ARID3A: variants seen among roughly 807,000 people sequenced by gnomAD.
ARID3A encodes the protein AT-rich interactive domain-containing protein 3A.
A neutral mutation model predicts 52.7 loss-of-function variants in ARID3A; 11 were observed. That is an observed-to-expected ratio of 0.21 (90% CI 0.13 to 0.35). The LOEUF is 0.35. ARID3A is among the 10% of genes least tolerant of loss of function. ARID3A has a pLI of 1.00. For synonymous variants in ARID3A, 404 were observed against 359.4 expected (o/e 1.12, Z -1.40); for missense variants, 721 against 838.5 (o/e 0.86, Z 1.73).
intron 1 of ARID3A, among the ~76,000 whole-genome samples, chr19:926,901 C>T (rs555700722): frequency 1.3e-5 from 2 of 151,962 alleles, no homozygotes; most frequent in African/African-American, 4.8e-5. Flanking sequence ...CCATGCAAAT[C>T]GGCCGCTTTC....
Position 960,266 on chromosome 19 carries a change from C to A in ARID3A, c.766+102C>A. On this transcript the variant is annotated intron_variant, in intron 4 of 8. Coordinates refer to ENST00000263620, the MANE Select transcript of ARID3A (RefSeq NM_005224.3). The surrounding 1 kb of genome is among the most constrained non-coding windows in gnomAD (Gnocchi z 4.3). The stretch of plus-strand genomic sequence containing the variant: ...TATGTCGGGGCGGTGGTGAGCACCC[C>A]GTGGCTGGAGGCATCCAAGGCTCCT... 9.4e-7 allele frequency: 1 copy of A among 1,066,176 alleles called. No individual in the cohort carries two copies. Among genetic ancestry groups the A allele is most frequent in the Non-Finnish European group, 1.3e-6 (1 of 753,020 alleles). 66.0% of individuals were successfully genotyped at this position (1,066,176 alleles called of 1,614,324 possible).
chr19:945,030 C>T (rs950094912), intron 3 of ARID3A, among the ~76,000 whole-genome samples: 53 of 152,358 alleles, frequency 3.5e-4, no homozygotes, highest in African/African-American at 1.1e-3. Flanking sequence ...CCCTAGCTGG[C>T]GCCCTGCCCA....
chr19:933,256 G>T (rs994412743), intron 3 of ARID3A, among the ~76,000 whole-genome samples: 2 of 152,184 alleles, frequency 1.3e-5, no homozygotes, highest in African/African-American at 4.8e-5. Context: ...AGGAGCCAGG[G>T]CCTGTGAGGC....
Position 960,224 on chromosome 19 carries a change from G to T in ARID3A, c.766+60G>T. ...TCACAGAAACAGGGCTGTAGGAGGG[G>T]CCCTACTGGCTCCAGGTATGTCGGG... On this transcript the variant is annotated intron_variant, in intron 4 of 8. Transcript: ENST00000263620. The surrounding 1 kb of genome is among the most constrained non-coding windows in gnomAD (Gnocchi z 4.3). 6.7e-7 allele frequency: 1 copy of T among 1,489,384 alleles called. No homozygotes were observed. Among genetic ancestry groups the T allele is most frequent in the Non-Finnish European group, 9.2e-7 (1 of 1,086,224 alleles). The allele number at this position is 1,489,384 out of a possible 1,614,324, so 92.3% of individuals were successfully genotyped here. A position where few individuals can be genotyped will look rare whatever the true frequency, so the allele number is the denominator to read the frequency against.
chr19:951,646 T>A (rs2037805425), intron 3 of ARID3A, among the ~76,000 whole-genome samples: 1 of 152,128 alleles, frequency 6.6e-6, no homozygotes, highest in African/African-American at 2.4e-5. Flanking sequence ...ATTCTCTTTT[T>A]CCCTCTGACC....
chr19:954,945 T>G (rs1346458250), intron 3 of ARID3A, among the ~76,000 whole-genome samples: 2 of 152,112 alleles, frequency 1.3e-5, no homozygotes, highest in African/African-American at 4.8e-5. Flanking sequence ...GGGCCGCTTA[T>G]CTCGGCCCTC....
rs1347225312 is a variant in ARID3A at position 932,496 on chromosome 19, T to G, written c.447T>G (p.Asp149Glu). ...AGGAGGAGGAGGAGGATTACGAGGA[T>G]GAGGAGGAGGAGGAGGACGAGGAGG... is the stretch of plus-strand genomic sequence containing the variant. The part of the protein sequence containing the change: ...DEEEEEEDYE[D>E]EEEEEDEEGL... Residue 149 changes from aspartate (D) to glutamate (E), a missense_variant, in exon 3 of 9, where the codon GAT (aspartate) becomes GAG (glutamate). By Grantham distance (45) the Asp-to-Glu change is conservative. This residue lies in a region of ARID3A where 349 missense variants were observed against 297.3 expected (regional missense o/e 1.17). Transcript: ENST00000263620. The G allele has an allele frequency of 3.0e-5, 46 of 1,542,018 alleles. No homozygotes were observed. The highest frequency in any genetic ancestry group is 1.7e-4 in the African/African-American group (12 of 71,126).
At position 966,596 on chromosome 19, in the gene ARID3A, C is replaced by G; in HGVS notation, c.1223C>G (p.Thr408Arg). Residue 408 changes from threonine to arginine, a missense_variant, in exon 7 of 9, where the codon ACA becomes AGA. Transcript: ENST00000263620. ...GAGGAGGACTCAGCCATCCCCATCA[C>G]AGTCCCTGGCCGCCTGCCTGTGTCC... ...KKEEDSAIPITVPGRLPVSLA... is the reference protein window; with the variant it reads ...KKEEDSAIPIRVPGRLPVSLA... 1 of 1,571,048 alleles carries G rather than the reference C, an allele frequency of 6.4e-7. No homozygotes were observed. Among genetic ancestry groups the G allele is most frequent in the South Asian group, 1.1e-5 (1 of 86,970 alleles).
At chr19:970,630 A>G (rs4438418) in intron 8 of ARID3A, among the ~76,000 whole-genome samples, 101,724 of 150,150 alleles carry the variant, frequency 0.68, 35,220 homozygotes, top group Middle Eastern at 0.79. Context: ...GCATGCCACC[A>G]GGCCCGGCTA....
chr19:927,679 C>T (rs1205266038), intron 1 of ARID3A, among the ~76,000 whole-genome samples: 2 of 84,196 alleles, frequency 2.4e-5, no homozygotes, highest in East Asian at 8.0e-4. Context: ...CCCCTCAGCA[C>T]TTTCTTGGGT....
Position 929,791 on chromosome 19 carries a change from C to G in ARID3A, c.263C>G (p.Ser88Trp), listed in dbSNP as rs370403414. The part of the protein sequence containing the change: ...PGGSEDGPPG[S>W]EEEDAAREGT... ...GGCTCTGAGGATGGGCCCCCAGGCT[C>G]GGAGGAGGAGGACGCGGCCCGGGAG... The change falls in exon 2 of 9, where the codon TCG becomes TGG. Residue 88 changes from serine to tryptophan, a missense_variant. By Grantham distance (177) the Ser-to-Trp change is radical (BLOSUM62 -3). Around this residue, in one of 5 missense-constraint regions of ARID3A, gnomAD observed 349 missense variants for 297.3 expected, o/e 1.17. Transcript: ENST00000263620. The surrounding 1 kb of genome is among the most constrained non-coding windows in gnomAD (Gnocchi z 6.2). 1.3e-6 allele frequency: 2 copies of G among 1,549,216 alleles called. No homozygotes were observed. Among genetic ancestry groups the G allele is most frequent in the East Asian group, 2.4e-5 (1 of 41,696 alleles).
chr19:939,143 G>A (rs544245369), intron 3 of ARID3A, among the ~76,000 whole-genome samples: 50 of 149,674 alleles, frequency 3.3e-4, no homozygotes, highest in South Asian at 1.5e-3. Flanking sequence ...TATTTTAGAC[G>A]GAGTCTTGCT....
intron 4 of ARID3A, among the ~76,000 whole-genome samples, chr19:963,055 G>A (rs964385482): frequency 4.6e-5 from 7 of 152,214 alleles, no homozygotes; most frequent in African/African-American, 1.4e-4. Flanking sequence ...TGGAAGTGGC[G>A]GAGGGTGGTG....
chr19:946,778 A>G (rs1207920279), intron 3 of ARID3A, among the ~76,000 whole-genome samples: 3 of 151,100 alleles, frequency 2.0e-5, no homozygotes, highest in Admixed American at 6.6e-5. Context: ...CTTCAAAACT[A>G]AAATTCTGTT....
chr19:937,132 G>C (rs999099410), intron 3 of ARID3A, among the ~76,000 whole-genome samples: 1 of 152,110 alleles, frequency 6.6e-6, no homozygotes. Context: ...GCTGGGTGTG[G>C]TGGCGGGCAC....
chr19:962,576 G>A (rs951831253), intron 4 of ARID3A, among the ~76,000 whole-genome samples: 5 of 141,130 alleles, frequency 3.5e-5, no homozygotes, highest in African/African-American at 7.9e-5. Flanking sequence ...GTGCAATGGC[G>A]GGGTCTCGGC....
At position 929,083 on chromosome 19, in the gene ARID3A, A is replaced by C. The variant is rs1048528070; in HGVS notation, c.-267-179A>C. The C allele has an allele frequency of 4.5e-5, 7 of 156,206 alleles. No individual in the cohort carries two copies. The highest frequency in any genetic ancestry group is 1.3e-4 in the Admixed American group (2 of 15,354). 9.7% of individuals were successfully genotyped at this position (156,206 alleles called of 1,614,324 possible). A position where few individuals can be genotyped will look rare whatever the true frequency, so the allele number is the denominator to read the frequency against. On this transcript the variant is annotated intron_variant, in intron 1 of 8. Coordinates refer to ENST00000263620, the MANE Select transcript of ARID3A (RefSeq NM_005224.3). The surrounding 1 kb of genome is among the most constrained non-coding windows in gnomAD (Gnocchi z 6.2). ...TGGCCCCGTGCGGGGCGACCTTGCT[A>C]CCCAGGCCCACAGTAGGCTGTATGC...
chr19:930,235 G>A (rs1245956555), intron 2 of ARID3A, among the ~76,000 whole-genome samples: 1 of 151,652 alleles, frequency 6.6e-6, no homozygotes, highest in Non-Finnish European at 1.5e-5. Context: ...GGATGACAGA[G>A]ATAGACCCAG....
intron 2 of ARID3A, among the ~76,000 whole-genome samples, chr19:931,386 A>G (rs2145350996): frequency 7.1e-6 from 1 of 140,840 alleles, no homozygotes; most frequent in Non-Finnish European, 1.5e-5. Flanking sequence ...TGGGAGGCAG[A>G]GGTTGCAGTG....
Sources: gnomAD v4.1 joint callset for allele counts (sites outside exome capture counted in the v4.1 genomes callset) on GRCh38, gnomAD v4.1.1 for gene constraint, gnomAD v4.1.1 regional missense constraint, Gnocchi (gnomAD v3.1) non-coding constraint, MANE v1.5 for transcripts, NCBI Gene and HGNC (gene_info 2026-07-23, HGNC 2026-07-21) for gene names.